The following CSMD1 variants were observed in gnomAD, a reference collection of about 807,000 sequenced individuals.
CSMD1 encodes CUB and Sushi multiple domains 1.
Under a neutral mutation model 417.5 loss-of-function variants are expected in CSMD1, and 213 were observed. That is an observed-to-expected ratio of 0.51 (90% CI 0.46 to 0.57). The LOEUF is 0.57. CSMD1 is among the 20% of genes least tolerant of loss of function. The pLI, the probability that CSMD1 is intolerant of heterozygous loss-of-function variation, is 0.00. For missense variants in CSMD1, 6,923 were observed against 4,529.7 expected (o/e 1.53, Z -15.17); for synonymous variants, 2,862 against 1,736.8 (o/e 1.65, Z -16.11).
At chr8:3,324,229 C>A (rs74491507) in intron 23 of CSMD1, among the ~76,000 whole-genome samples, 1 of 118,848 alleles carries the variant, frequency 8.4e-6, no homozygotes, top group African/African-American at 4.0e-5. Context: ...CCCCAGAGAC[C>A]CGGGAGGGGG....
Position 3,023,930 on chromosome 8 carries a change from C to T in CSMD1, c.7856-5280G>A, listed in dbSNP as rs144554953. Among the ~76,000 whole-genome samples, 76 of 151,818 alleles carry T rather than the reference C, an allele frequency of 5.0e-4. 1 individual carries two copies. Among genetic ancestry groups the T allele is most frequent in the African/African-American group, 1.5e-3 (61 of 41,384 alleles). On this transcript the variant is annotated intron_variant, in intron 51 of 69. Transcript: ENST00000635120. The stretch of plus-strand genomic sequence containing the variant: ...CGGGTGATGCTACCCTTGAAGATTC[C>T]GTTGGTCCTGATCCAACAGAACATA...
chr8:3,349,879 CTA>C (rs34994954), intron 21 of CSMD1, among the ~76,000 whole-genome samples: 42 of 80,336 alleles, frequency 5.2e-4, no homozygotes, highest in African/African-American at 1.4e-3. Context: ...ATATTTATAT[CTA>C]TATATATATT....
intron 27 of CSMD1, among the ~76,000 whole-genome samples, chr8:3,226,263 A>C (rs1025335240): frequency 3.9e-5 from 6 of 152,078 alleles, no homozygotes; most frequent in South Asian, 2.1e-4. Flanking sequence ...GATAATGAAG[A>C]CTTTTTAGGG....
intron 1 of CSMD1, among the ~76,000 whole-genome samples, chr8:4,803,840 A>T (rs1798442855): frequency 6.6e-6 from 1 of 152,136 alleles, no homozygotes. Flanking sequence ...CACAGTAATT[A>T]TGTGTGTGTT....
intron 5 of CSMD1, among the ~76,000 whole-genome samples, chr8:3,796,442 C>T (rs1347756031): frequency 2.6e-5 from 3 of 115,206 alleles, no homozygotes; most frequent in East Asian, 2.4e-4. Context: ...ATATATCTAT[C>T]GTGTATAGAT....
chr8:3,431,821 A>C lies in CSMD1; in HGVS notation c.1562-22216T>G, dbSNP rs1452648781. Among the ~76,000 whole-genome samples the C allele has an allele frequency of 2.0e-5, 3 of 152,202 alleles. No individual in the cohort carries two copies. In the East Asian group the frequency reaches 5.8e-4, roughly 29 times the overall value. On this transcript the variant is annotated intron_variant, in intron 12 of 69. Transcript: ENST00000635120. ...TAACATTGGAGAAAACAAATATTTTATTCCATACAATTGTCATTTCCTACC... is the reference window on the plus strand; with the variant it reads ...TAACATTGGAGAAAACAAATATTTTCTTCCATACAATTGTCATTTCCTACC...
intron 1 of CSMD1, among the ~76,000 whole-genome samples, chr8:4,789,093 G>A (rs548779230): frequency 2.6e-5 from 4 of 152,252 alleles, no homozygotes; most frequent in Non-Finnish European, 4.4e-5. Context: ...TCCAGAAAAG[G>A]TAATCATGAG....
chr8:2,998,482 T>A (rs748734378), intron 53 of CSMD1, among the ~76,000 whole-genome samples: 8 of 152,214 alleles, frequency 5.3e-5, no homozygotes, highest in African/African-American at 1.9e-4. Flanking sequence ...CCAAATGATT[T>A]AAAAACGAAG....
At chr8:4,634,138 A>G (rs979518098) in intron 2 of CSMD1, among the ~76,000 whole-genome samples, 1 of 152,182 alleles carries the variant, frequency 6.6e-6, no homozygotes, top group African/African-American at 2.4e-5. Flanking sequence ...CCACATCATT[A>G]AAATTTAGTT....
At chr8:3,938,157 A>T (rs1242026742) in intron 5 of CSMD1, among the ~76,000 whole-genome samples, 1 of 152,140 alleles carries the variant, frequency 6.6e-6, no homozygotes, top group Non-Finnish European at 1.5e-5. Context: ...ATTTCTGGTA[A>T]TTGTGTCAAT....
chr8:3,568,891 T>G (rs566388527), intron 10 of CSMD1, among the ~76,000 whole-genome samples: 251 of 152,240 alleles, frequency 1.6e-3, no homozygotes, highest in Non-Finnish European at 2.4e-3. Context: ...ACATTTAAAC[T>G]TTCCAATGAA....
intron 23 of CSMD1, among the ~76,000 whole-genome samples, chr8:3,323,793 C>T (rs549352423): frequency 7.2e-6 from 1 of 138,062 alleles, no homozygotes; most frequent in Non-Finnish European, 1.6e-5. Context: ...CATCCAACCC[C>T]AGAGACCCAG....
intron 2 of CSMD1, among the ~76,000 whole-genome samples, chr8:4,452,093 A>C (rs1316768770): frequency 6.6e-6 from 1 of 152,056 alleles, no homozygotes; most frequent in African/African-American, 2.4e-5. Context: ...TTTCTTTAGA[A>C]ATTTAGGGCA....
chr8:3,117,988 A>G (rs1020587051), intron 42 of CSMD1, among the ~76,000 whole-genome samples: 1 of 152,206 alleles, frequency 6.6e-6, no homozygotes, highest in East Asian at 1.9e-4. Flanking sequence ...TATAAAAGCT[A>G]AACAAAAAGA....
intron 3 of CSMD1, among the ~76,000 whole-genome samples, chr8:4,367,328 T>C (rs1177384223): frequency 6.6e-6 from 1 of 152,168 alleles, no homozygotes; most frequent in Non-Finnish European, 1.5e-5. Context: ...CCTTTCCCCA[T>C]TGTCTGATAT....
At chr8:4,042,567 G>A (rs573062955) in intron 3 of CSMD1, among the ~76,000 whole-genome samples, 3 of 151,906 alleles carry the variant, frequency 2.0e-5, no homozygotes, top group Non-Finnish European at 4.4e-5. Flanking sequence ...TCCAGCGGAA[G>A]GTAATAGCAT....
rs778850945 is a variant in CSMD1 at position 2,999,880 on chromosome 8, G to A, written c.8203+78C>T. On this transcript the variant is annotated intron_variant, in intron 53 of 69. Transcript: ENST00000635120. ...CTTTTACAGTGAAGATTAAACAGGTGTATATTGTGACCTAATAACAAAAGA... is the reference window on the plus strand; with the variant it reads ...CTTTTACAGTGAAGATTAAACAGGTATATATTGTGACCTAATAACAAAAGA... The A allele has an allele frequency of 1.3e-4, 166 of 1,298,586 alleles. 3 individuals are homozygous for A. In the Middle Eastern group the frequency reaches 1.6e-3, roughly 12 times the overall value. The allele number at this position is 1,298,586 out of a possible 1,614,324, so 80.4% of individuals were successfully genotyped here.
intron 3 of CSMD1, among the ~76,000 whole-genome samples, chr8:4,168,223 A>G (rs1797566604): frequency 6.6e-6 from 1 of 151,756 alleles, no homozygotes; most frequent in African/African-American, 2.4e-5. Context: ...ACACACATAT[A>G]TACACAAACA....
chr8:4,675,239 G>A (rs1177411980), intron 1 of CSMD1, among the ~76,000 whole-genome samples: 2 of 152,134 alleles, frequency 1.3e-5, no homozygotes, highest in Admixed American at 6.5e-5. Context: ...ACACCATGCA[G>A]TATTTAAAAC....
Sources: allele counts gnomAD v4.1 joint callset (sites outside exome capture counted in the v4.1 genomes callset), GRCh38; gene constraint gnomAD v4.1.1; transcripts MANE v1.5; gene names NCBI Gene and HGNC (gene_info 2026-07-23, HGNC 2026-07-21).